The following PTPRU variants were observed in gnomAD, a reference collection of about 807,000 sequenced individuals.
PTPRU encodes receptor-type tyrosine-protein phosphatase U.
Under a neutral mutation model 166.3 loss-of-function variants are expected in PTPRU, and 69 were observed. The observed-to-expected ratio is 0.41, with a 90% CI of 0.34 to 0.51. PTPRU has a LOEUF of 0.51. PTPRU is among the 20% of genes least tolerant of loss of function. PTPRU has a pLI of 0.09. For synonymous variants in PTPRU, 793 were observed against 814.0 expected (o/e 0.97, Z 0.44); for missense variants, 1,657 against 2,013.7 (o/e 0.82, Z 3.39).
intron 7 of PTPRU, among the ~76,000 whole-genome samples, chr1:29,266,009 G>GT (rs1685283776): frequency 3.2e-5 from 4 of 124,936 alleles, no homozygotes; most frequent in South Asian, 2.6e-4. Flanking sequence ...TTTTCTCCTG[G>GT]GTTTTTTTTT....
At position 29,259,546 on chromosome 1, in the gene PTPRU, C is replaced by T; in HGVS notation, c.657C>T (p.Ala219=). The change falls in exon 5 of 30, where the codon GCC becomes GCT. Residue 219 remains alanine (A), a synonymous_variant. Coordinates refer to ENST00000373779, the MANE Select transcript of PTPRU (RefSeq NM_133178.4). ...TGGCCGCGGGCAGAGCGGCCGAGGC[C>T]GAACGCTTCCTCTTGCAAGTGAGCG... is the stretch of plus-strand genomic sequence containing the variant. ...QCMAAGRAAE[A]ERFLLQRQSG... 1 of 1,592,374 alleles carries T rather than the reference C, an allele frequency of 6.3e-7. No individual in the cohort carries two copies. The highest frequency in any genetic ancestry group is 8.6e-7 in the Non-Finnish European group (1 of 1,167,964).
chr1:29,306,829 T>A (rs569653912), intron 18 of PTPRU, among the ~76,000 whole-genome samples: 4 of 152,222 alleles, frequency 2.6e-5, no homozygotes, highest in Admixed American at 1.3e-4. Context: ...CCTCCCCCAC[T>A]CATCCTGTCC....
At position 29,236,566 on chromosome 1, in the gene PTPRU, G is replaced by T. The variant is rs992899584; in HGVS notation, c.-79G>T. 9 of 1,093,358 alleles carry T rather than the reference G, an allele frequency of 8.2e-6. No homozygotes were observed. Among genetic ancestry groups the T allele is most frequent in the African/African-American group, 1.7e-5 (1 of 60,114 alleles). The allele number at this position is 1,093,358 out of a possible 1,614,324, so 67.7% of individuals were successfully genotyped here. ...CCGCTCCGCTCCGGCTCGGGCTCCG[G>T]CTCGCCTCGGGCTGGGCTCGGGCTC... On this transcript the variant is annotated 5_prime_UTR_variant, in exon 1 of 30. Transcript: ENST00000373779. The surrounding 1 kb of genome is among the most constrained non-coding windows in gnomAD (Gnocchi z 4.6).
intron 15 of PTPRU, among the ~76,000 whole-genome samples, chr1:29,302,354 C>G (rs6669507): frequency 0.26 from 39,516 of 151,862 alleles, 6,611 homozygotes; most frequent in East Asian, 0.63. Flanking sequence ...ATTTATTATT[C>G]AAGAAGGAAA....
chr1:29,310,814 A>G (rs112500373), intron 19 of PTPRU, 34 bp downstream of exon 19: 5 of 1,605,350 alleles, frequency 3.1e-6, no homozygotes, highest in African/African-American at 2.7e-5. Flanking sequence ...GCGCCTTCCC[A>G]TGTGCCTCCC....
chr1:29,265,381 G>A lies in PTPRU; in HGVS notation c.1144+4478G>A, dbSNP rs143284631. On this transcript the variant is annotated intron_variant, in intron 7 of 29. Coordinates refer to ENST00000373779, the MANE Select transcript of PTPRU (RefSeq NM_133178.4). Reference sequence around the variant, plus strand: ...TCTTTTCTTTTCCTCTTTTTTTTTTGAGATGGAATCTCACTCTGTTGCCCA... The same window carrying A: ...TCTTTTCTTTTCCTCTTTTTTTTTTAAGATGGAATCTCACTCTGTTGCCCA... Among the ~76,000 whole-genome samples, 653 of 144,534 alleles carry A rather than the reference G, an allele frequency of 4.5e-3. 5 individuals are homozygous for A. Among genetic ancestry groups the A allele is most frequent in the Non-Finnish European group, 7.5e-3 (490 of 65,582 alleles). The allele number at this position is 144,534 out of a possible 152,430, so 94.8% of individuals were successfully genotyped here. A position where few individuals can be genotyped will look rare whatever the true frequency, so the allele number is the denominator to read the frequency against.
intron 1 of PTPRU, among the ~76,000 whole-genome samples, chr1:29,249,506 C>G (rs1235113340): frequency 6.6e-6 from 1 of 152,238 alleles, no homozygotes; most frequent in East Asian, 1.9e-4. Context: ...ATGGGGTGCC[C>G]AAGGGCAGGC....
chr1:29,307,002 C>T (rs1687421509), intron 18 of PTPRU: 1 of 1,094,378 alleles, frequency 9.1e-7, no homozygotes, highest in South Asian at 1.4e-5. Context: ...GCCTGCCCGT[C>T]TCCGCTCTGC....
At position 29,311,998 on chromosome 1, in the gene PTPRU, G is replaced by A. The variant is rs1377857352; in HGVS notation, c.3072+239G>A. Reference sequence around the variant, plus strand: ...TGAAGGGGGTGACAGTATCTGCCAGGTGCTGGCTCCTACTCTGTGCTGAGC... The same window carrying A: ...TGAAGGGGGTGACAGTATCTGCCAGATGCTGGCTCCTACTCTGTGCTGAGC... On this transcript the variant is annotated intron_variant, in intron 21 of 29. Transcript: ENST00000373779. This position sits in a 1 kb window ranked among gnomAD's most constrained non-coding sequence, Gnocchi z 4.1. Among the ~76,000 whole-genome samples, 1 of 152,218 alleles carries A rather than the reference G, an allele frequency of 6.6e-6. No homozygotes were observed. The highest frequency in any genetic ancestry group is 1.9e-4 in the East Asian group (1 of 5,204).
intron 7 of PTPRU, among the ~76,000 whole-genome samples, chr1:29,262,339 A>G (rs1685105093): frequency 6.6e-6 from 1 of 152,366 alleles, no homozygotes; most frequent in East Asian, 1.9e-4. Flanking sequence ...ATACAATTCA[A>G]TCCTTAAAAT....
chr1:29,272,734 C>T (rs1035860210), intron 7 of PTPRU, among the ~76,000 whole-genome samples: 4 of 151,694 alleles, frequency 2.6e-5, no homozygotes, highest in Admixed American at 1.3e-4. Flanking sequence ...CAGCAAGACC[C>T]TGTCTCTACA....
intron 18 of PTPRU, chr1:29,306,985 C>CAGCCA: frequency 1.1e-6 from 1 of 931,660 alleles, no homozygotes; most frequent in Non-Finnish European, 1.7e-6. Context: ...TGGCTCAGCC[C>CAGCCA]AGCCCGGCCT....
In PTPRU at chr1:29,311,939, C is replaced by T. The variant is rs1687684565; in HGVS notation, c.3072+180C>T. 6.6e-6 allele frequency among the ~76,000 whole-genome samples: 1 copy of T among 152,226 alleles called. No individual in the cohort carries two copies. The highest frequency in any genetic ancestry group is 1.5e-5 in the Non-Finnish European group (1 of 68,030). ...TCTAGAAGGGCAGGAAGGTCACTGCCTTTGTTGGTGCCCATAGGAGGAAGC... is the reference window on the plus strand; with the variant it reads ...TCTAGAAGGGCAGGAAGGTCACTGCTTTTGTTGGTGCCCATAGGAGGAAGC... On this transcript the variant is annotated intron_variant, in intron 21 of 29. Coordinates refer to ENST00000373779, the MANE Select transcript of PTPRU (RefSeq NM_133178.4). The surrounding 1 kb of genome is among the most constrained non-coding windows in gnomAD (Gnocchi z 4.1).
Position 29,316,166 on chromosome 1 carries a change from C to T in PTPRU, c.3513+15C>T, listed in dbSNP as rs762463527. The T allele has an allele frequency of 5.5e-5, 88 of 1,610,816 alleles. No homozygotes were observed. Among genetic ancestry groups the T allele is most frequent in the Middle Eastern group, 1.8e-4 (1 of 5,702 alleles). ...AAGAGTTCCAGGTGGGGGATGAGTG[C>T]GTGTGTATAGGTGTGTGTGTGTGTG... On this transcript the variant is annotated intron_variant, in intron 24 of 29. Coordinates refer to ENST00000373779, the MANE Select transcript of PTPRU (RefSeq NM_133178.4).
intron 26 of PTPRU, among the ~76,000 whole-genome samples, chr1:29,321,980 C>T (rs1340328554): frequency 6.6e-6 from 1 of 152,374 alleles, no homozygotes. Context: ...CCCCTTCCCA[C>T]CCCAGCTTTC....
intron 15 of PTPRU, among the ~76,000 whole-genome samples, chr1:29,302,781 C>T (rs1162156460): frequency 6.6e-6 from 1 of 152,164 alleles, no homozygotes; most frequent in Non-Finnish European, 1.5e-5. Context: ...GAACTCCTGA[C>T]CTCATGATTC....
At position 29,311,524 on chromosome 1, in the gene PTPRU, A is replaced by G. The variant is rs199881617; in HGVS notation, c.2926A>G (p.Met976Val). 1 of 1,614,160 alleles carries G rather than the reference A, an allele frequency of 6.2e-7. No homozygotes were observed. The highest frequency in any genetic ancestry group is 1.1e-5 in the South Asian group (1 of 91,086). Reference protein sequence around the residue: ...VWQEHCSSIVMITKLVEVGRV... With the variant: ...VWQEHCSSIVVITKLVEVGRV... ...GCAGGAGCACTGTTCCAGCATCGTCATGATCACCAAGCTGGTCGAGGTGGG... is the reference window on the plus strand; with the variant it reads ...GCAGGAGCACTGTTCCAGCATCGTCGTGATCACCAAGCTGGTCGAGGTGGG... Residue 976 changes from methionine (M) to valine (V), a missense_variant, in exon 20 of 30, where the codon ATG becomes GTG. Met to Val is a conservative substitution (Grantham distance 21). Coordinates refer to ENST00000373779, the MANE Select transcript of PTPRU (RefSeq NM_133178.4). The surrounding 1 kb of genome is among the most constrained non-coding windows in gnomAD (Gnocchi z 4.1).
At chr1:29,284,301 G>A (rs1341891244) in intron 13 of PTPRU, among the ~76,000 whole-genome samples, 3 of 152,134 alleles carry the variant, frequency 2.0e-5, no homozygotes, top group Non-Finnish European at 4.4e-5. Context: ...GTCAGCATGG[G>A]CCCTGTGCTA....
chr1:29,238,564 C>A lies in PTPRU; in HGVS notation c.73+1847C>A, dbSNP rs574610657. On this transcript the variant is annotated intron_variant, in intron 1 of 29. Coordinates refer to ENST00000373779, the MANE Select transcript of PTPRU (RefSeq NM_133178.4). This position sits in a 1 kb window ranked among gnomAD's most constrained non-coding sequence, Gnocchi z 6.1. ...CGGGCCGGAACTCCTGTGGCTCCAG[C>A]GTTCGCGCCGGCCACTGGCCAGCGC... 2.4e-4 allele frequency among the ~76,000 whole-genome samples: 36 copies of A among 152,228 alleles called. No homozygotes were observed. Among genetic ancestry groups the A allele is most frequent in the Non-Finnish European group, 5.1e-4 (35 of 68,040 alleles).
Sources: allele counts gnomAD v4.1 joint callset (sites outside exome capture counted in the v4.1 genomes callset), GRCh38; gene constraint gnomAD v4.1.1; non-coding constraint Gnocchi (gnomAD v3.1); transcripts MANE v1.5; gene names NCBI Gene and HGNC (gene_info 2026-07-23, HGNC 2026-07-21).